Variants in ASAP1 observed in about 807,000 individuals in gnomAD.
ASAP1 encodes ArfGAP with SH3 domain, ankyrin repeat and PH domain 1.
A neutral mutation model predicts 145.2 loss-of-function variants in ASAP1; 43 were observed. That is an observed-to-expected ratio of 0.30 (90% confidence interval 0.23 to 0.38). The LOEUF is 0.38. Ranked by LOEUF, ASAP1 falls within the 10% of genes least tolerant of loss-of-function variation. The pLI is 1.00. For synonymous variants in ASAP1, 546 were observed against 515.5 expected, an observed-to-expected ratio of 1.06 and a Z score of -0.80; for missense variants, 1,018 against 1,355.3, an observed-to-expected ratio of 0.75 and a Z score of 3.91.
At position 130,116,736 on chromosome 8, in the gene ASAP1, G is replaced by A. The variant is rs2135633337; in HGVS notation, c.2006C>T (p.Ala669Val). 1 of 1,614,014 alleles carries A rather than the reference G, an allele frequency of 6.2e-7. No individual in the cohort carries two copies. Among genetic ancestry groups the A allele is most frequent in the Non-Finnish European group, 8.5e-7 (1 of 1,179,950 alleles). ...TGCTATGTCTAGGGCAGTTTCTCCA[G>A]CCTGGTTAACTGAAATAGGAAAAAA... Reference protein sequence around the residue: ...SKPTVDIVNQAGETALDIAKR... With the variant: ...SKPTVDIVNQVGETALDIAKR... The change falls in exon 22 of 30, where the codon GCT becomes GTT. Residue 669 changes from alanine (A) to valine (V), a missense_variant. Physicochemically the swap from Ala to Val is moderately conservative, Grantham distance 64 (BLOSUM62 0). Transcript: ENST00000518721.
intron 4 of ASAP1, among the ~76,000 whole-genome samples, chr8:130,223,180 A>G (rs1424185043): frequency 6.6e-6 from 1 of 152,136 alleles, no homozygotes; most frequent in Non-Finnish European, 1.5e-5. Context: ...CCTTGAGAAC[A>G]CTCTCATAAA....
At chr8:130,287,434 T>C (rs1368331601) in intron 3 of ASAP1, among the ~76,000 whole-genome samples, 1 of 152,196 alleles carries the variant, frequency 6.6e-6, no homozygotes, top group Admixed American at 6.5e-5. Flanking sequence ...GTCTTTGTTC[T>C]ACCCATCCAT....
chr8:130,282,891 G>C (rs1010616297), intron 3 of ASAP1, among the ~76,000 whole-genome samples: 1 of 152,186 alleles, frequency 6.6e-6, no homozygotes, highest in Non-Finnish European at 1.5e-5. Context: ...AGTGGGTTTC[G>C]CTGCGGCAAA....
intron 13 of ASAP1, among the ~76,000 whole-genome samples, chr8:130,148,300 T>C (rs558803373): frequency 6.6e-6 from 1 of 152,360 alleles, no homozygotes; most frequent in Admixed American, 6.5e-5. Context: ...ACAAACTTCA[T>C]GACCCTGAGC....
At position 130,171,006 on chromosome 8, in the gene ASAP1, G is replaced by A. The variant is rs538458421; in HGVS notation, c.747-1939C>T. On this transcript the variant is annotated intron_variant, in intron 9 of 29. Coordinates refer to ENST00000518721, the MANE Select transcript of ASAP1 (RefSeq NM_018482.4). ...GCTGAGATTAAAGGTGTGAGCCACC[G>A]TGCCTGGCCTAAACCCTTATTTTCT... is the stretch of plus-strand genomic sequence containing the variant. Among the ~76,000 whole-genome samples the A allele has an allele frequency of 6.6e-5, 10 of 152,276 alleles. No homozygotes were observed. In the South Asian group the frequency reaches 1.7e-3, roughly 25 times the overall value.
At chr8:130,230,016 A>G (rs997763798) in intron 4 of ASAP1, among the ~76,000 whole-genome samples, 12 of 151,994 alleles carry the variant, frequency 7.9e-5, no homozygotes, top group African/African-American at 2.9e-4. Context: ...CGTGAGTGAG[A>G]CTGCGTTACT....
chr8:130,376,976 T>C (rs1586935592), intron 2 of ASAP1, among the ~76,000 whole-genome samples: 1 of 141,858 alleles, frequency 7.0e-6, no homozygotes, highest in African/African-American at 2.7e-5. Flanking sequence ...GGGCAAGAGA[T>C]GTGAAAAGTT....
intron 25 of ASAP1, among the ~76,000 whole-genome samples, chr8:130,088,034 C>A (rs534191602): frequency 1.3e-5 from 2 of 152,204 alleles, no homozygotes; most frequent in African/African-American, 4.8e-5. Flanking sequence ...TAATGGCCAC[C>A]CAAAGTTATC....
In ASAP1 at chr8:130,118,642, A is replaced by G. The variant is rs749003615; in HGVS notation, c.1641T>C (p.Tyr547=). 5 of 1,613,488 alleles carry G rather than the reference A, an allele frequency of 3.1e-6. No homozygotes were observed. The highest frequency in any genetic ancestry group is 4.2e-6 in the Non-Finnish European group (5 of 1,179,712). ...TVRKEYITAK[Y]VDHRFSRKTC... Reference sequence around the variant, plus strand: ...TCTTCCTTGAAAACCTATGATCTACATACTTTGCAGTGATATATTCTTTTC... The same window carrying G: ...TCTTCCTTGAAAACCTATGATCTACGTACTTTGCAGTGATATATTCTTTTC... The change falls in exon 19 of 30, where the codon TAT becomes TAC. Residue 547 remains tyrosine (Y), a synonymous_variant. Coordinates refer to ENST00000518721, the MANE Select transcript of ASAP1 (RefSeq NM_018482.4).
intron 5 of ASAP1, among the ~76,000 whole-genome samples, chr8:130,205,790 G>A (rs1816179984): frequency 2.0e-5 from 3 of 151,162 alleles, no homozygotes; most frequent in African/African-American, 4.9e-5. Context: ...AGTCACTAGG[G>A]GGTGTGCTGC....
intron 24 of ASAP1, among the ~76,000 whole-genome samples, chr8:130,094,423 G>A (rs1176616507): frequency 6.6e-6 from 1 of 151,998 alleles, no homozygotes; most frequent in Non-Finnish European, 1.5e-5. Flanking sequence ...GTCTCACTCT[G>A]TTGTCCAGGC....
chr8:130,342,369 AG>A (rs1217267994), intron 3 of ASAP1, among the ~76,000 whole-genome samples: 1 of 152,234 alleles, frequency 6.6e-6, no homozygotes, highest in Non-Finnish European at 1.5e-5. Flanking sequence ...CAGAACATCC[AG>A]TAACAGAGGC....
At chr8:130,112,648 AC>A (rs1267533252) in intron 23 of ASAP1, among the ~76,000 whole-genome samples, 1 of 152,248 alleles carries the variant, frequency 6.6e-6, no homozygotes, top group East Asian at 1.9e-4. Context: ...TTTTTCAGCA[AC>A]ATTTGAATAG....
intron 3 of ASAP1, among the ~76,000 whole-genome samples, chr8:130,261,012 A>C (rs1170971587): frequency 1.3e-5 from 2 of 152,144 alleles, no homozygotes; most frequent in Non-Finnish European, 2.9e-5. Context: ...GATGCAGTCC[A>C]CATTTATTCA....
intron 11 of ASAP1, chr8:130,160,872 A>C: frequency 9.0e-7 from 1 of 1,109,216 alleles, no homozygotes; most frequent in East Asian, 5.8e-5. Context: ...TGAAAATGTT[A>C]TCCATAATTT....
intron 2 of ASAP1, among the ~76,000 whole-genome samples, chr8:130,376,579 A>G (rs1827504364): frequency 6.6e-6 from 1 of 152,120 alleles, no homozygotes; most frequent in Non-Finnish European, 1.5e-5. Context: ...TACAAAAATT[A>G]GCTGGCCATG....
intron 1 of ASAP1, among the ~76,000 whole-genome samples, chr8:130,436,705 G>C (rs940891683): frequency 6.6e-6 from 1 of 152,208 alleles, no homozygotes; most frequent in Non-Finnish European, 1.5e-5. Flanking sequence ...GGGAGGCTGA[G>C]GCAGGAAGAT....
intron 1 of ASAP1, among the ~76,000 whole-genome samples, chr8:130,403,302 A>T (rs867645457): frequency 1.1e-4 from 8 of 71,092 alleles, no homozygotes; most frequent in South Asian, 6.2e-4. Flanking sequence ...GTTTTTTTTT[A>T]AAAAACCCAG....
chr8:130,302,832 T>C (rs890405073), intron 3 of ASAP1, among the ~76,000 whole-genome samples: 2 of 152,210 alleles, frequency 1.3e-5, no homozygotes, highest in Non-Finnish European at 1.5e-5. Flanking sequence ...GGGAGAAAAC[T>C]ATGAAGAAAT....
Sources: gnomAD v4.1 joint callset for allele counts (sites outside exome capture counted in the v4.1 genomes callset) on GRCh38, gnomAD v4.1.1 for gene constraint, MANE v1.5 for transcripts, NCBI Gene and HGNC (gene_info 2026-07-23, HGNC 2026-07-21) for gene names.